The following RASSF2 variants were observed in gnomAD, a reference collection of about 807,000 sequenced individuals.
The protein encoded by RASSF2 is ras association domain-containing protein 2.
A neutral mutation model predicts 46.3 loss-of-function variants in RASSF2; 34 were observed. The ratio of observed to expected loss-of-function variants is 0.73; its 90% CI spans 0.56 to 0.98. The LOEUF is 0.98. RASSF2 is among the 50% of genes least tolerant of loss of function. The pLI is 0.00. For synonymous variants in RASSF2, 158 were observed against 162.5 expected (o/e 0.97, Z 0.21); for missense variants, 364 against 431.2 (o/e 0.84, Z 1.38).
intron 1 of RASSF2, among the ~76,000 whole-genome samples, 169 bp downstream of exon 1, chr20:4,823,387 TG>T (rs1338155657): frequency 2.6e-5 from 4 of 152,076 alleles, no homozygotes; most frequent in African/African-American, 9.7e-5. Flanking sequence ...GCGCCGCGGC[TG>T]GGGGGCTGCT....
At chr20:4,793,590 T>C (rs2122495723) in intron 5 of RASSF2, among the ~76,000 whole-genome samples, 1 of 152,224 alleles carries the variant, frequency 6.6e-6, no homozygotes. Flanking sequence ...CTCCCTGATT[T>C]AAAGCCTTCA....
chr20:4,802,349 T>A (rs1375172125), intron 2 of RASSF2, among the ~76,000 whole-genome samples: 4 of 152,094 alleles, frequency 2.6e-5, no homozygotes, highest in Non-Finnish European at 4.4e-5. Flanking sequence ...TGACCAAAAC[T>A]GTCGACAGAC....
chr20:4,817,572 C>G (rs1326022229), intron 2 of RASSF2, among the ~76,000 whole-genome samples: 3 of 152,142 alleles, frequency 2.0e-5, no homozygotes, highest in East Asian at 3.9e-4. Context: ...GTGTCTATAA[C>G]TTTGCATAGT....
At chr20:4,803,038 T>C (rs1927027710) in intron 2 of RASSF2, among the ~76,000 whole-genome samples, 1 of 151,800 alleles carries the variant, frequency 6.6e-6, no homozygotes. Flanking sequence ...GCCTCCCAAG[T>C]AGCTGCGACT....
chr20:4,798,140 G>A, intron 3 of RASSF2, 55 bp from the exon 4 acceptor site: 1 of 1,602,798 alleles, frequency 6.2e-7, no homozygotes, highest in Non-Finnish European at 8.5e-7. Context: ...CACTTATAAT[G>A]CAGTTGTTCC....
rs1323498177 is a variant in RASSF2, at chr20:4,783,696, T to C, written c.*577A>G. On this transcript the variant is annotated 3_prime_UTR_variant, in exon 12 of 12. Coordinates refer to ENST00000379400, the MANE Select transcript of RASSF2 (RefSeq NM_014737.3). ...GGTTATGTGGCTGTTATTTTGTTAA[T>C]TTCCAAGGCTCTTACATTCACTGAT... The C allele has an allele frequency of 6.6e-6, 1 of 152,594 alleles. No individual in the cohort carries two copies. The highest frequency in any genetic ancestry group is 6.5e-5 in the Admixed American group (1 of 15,306). The allele number at this position is 152,594 out of a possible 1,614,324, so 9.5% of individuals were successfully genotyped here.
intron 3 of RASSF2, among the ~76,000 whole-genome samples, 164 bp downstream of exon 3, chr20:4,800,808 G>A (rs1007206859): frequency 3.3e-5 from 5 of 152,048 alleles, no homozygotes; most frequent in South Asian, 4.1e-4. Context: ...CAGCCCTGAC[G>A]CTCTTACAAG....
chr20:4,809,776 G>A (rs1468765159), intron 2 of RASSF2, among the ~76,000 whole-genome samples: 1 of 152,170 alleles, frequency 6.6e-6, no homozygotes, highest in East Asian at 1.9e-4. Flanking sequence ...GGGGGCAGTG[G>A]GAGGAGCTAG....
At chr20:4,806,232 C>T (rs914327038) in intron 2 of RASSF2, among the ~76,000 whole-genome samples, 2 of 152,086 alleles carry the variant, frequency 1.3e-5, no homozygotes, top group African/African-American at 4.8e-5. Context: ...GTGGTCAGAG[C>T]CCAAGGAAGG....
At chr20:4,814,347 C>T (rs1928101625) in intron 2 of RASSF2, among the ~76,000 whole-genome samples, 2 of 152,338 alleles carry the variant, frequency 1.3e-5, no homozygotes, top group African/African-American at 4.8e-5. Flanking sequence ...GGTATCGACA[C>T]TTCCTGTTTA....
At chr20:4,809,353 C>T (rs1177802240) in intron 2 of RASSF2, among the ~76,000 whole-genome samples, 1 of 152,092 alleles carries the variant, frequency 6.6e-6, no homozygotes, top group Non-Finnish European at 1.5e-5. Flanking sequence ...TGAGTGTGCC[C>T]ATGCTCCCCC....
In RASSF2 at chr20:4,783,172, T is replaced by C. The variant is rs41279436; in HGVS notation, c.*1101A>G. 0.092 allele frequency: 14,013 copies of C among 152,294 alleles called. 1,025 individuals are homozygous for C. The highest frequency in any genetic ancestry group is 0.2 in the African/African-American group (8,490 of 41,528). 9.4% of individuals were successfully genotyped at this position (152,294 alleles called of 1,614,324 possible). A position where few individuals can be genotyped will look rare whatever the true frequency, so the allele number is the denominator to read the frequency against. On this transcript the variant is annotated 3_prime_UTR_variant, in exon 12 of 12. Transcript: ENST00000379400. ...CTCCACACACAAGGTGAGGGCAACT[T>C]GCAAGAACCCAGAGGTTGGAAAGAA...
rs1171064651 is a variant in RASSF2, at chr20:4,788,230, G to A, written c.678C>T (p.Val226=). Residue 226 remains valine (V), a synonymous_variant, in exon 9 of 12, where the codon GTC becomes GTT. Transcript: ENST00000379400. ...NSAEEFALYV[V]HTSGEKQKLK... The stretch of plus-strand genomic sequence containing the variant: ...CTTCAGACTTACCACCACTCGTATG[G>A]ACCACGTACAAGGCAAACTCCTCTG... The A allele has an allele frequency of 1.9e-6, 3 of 1,603,664 alleles. No homozygotes were observed. In the African/African-American group the frequency reaches 4.0e-5, roughly 21 times the overall value.
Position 4,788,163 on chromosome 20 carries a change from T to C in RASSF2, c.691+54A>G, listed in dbSNP as rs370381432. ...AGGAGGCAGAGGTATTTTTTTAACT[T>C]GCTATTTTGAGTTAATTAGAAGTTT... On this transcript the variant is annotated intron_variant, in intron 9 of 11. Transcript: ENST00000379400. The C allele has an allele frequency of 6.7e-5, 97 of 1,438,734 alleles. No homozygotes were observed. The African/African-American group carries it at 1.3e-3, about 19-fold the overall frequency. 89.1% of individuals were successfully genotyped at this position (1,438,734 alleles called of 1,614,324 possible).
Position 4,788,199 on chromosome 20 carries a change from T to C in RASSF2, c.691+18A>G. 6.4e-7 allele frequency: 1 copy of C among 1,557,718 alleles called. No homozygotes were observed. Among genetic ancestry groups the C allele is most frequent in the East Asian group, 2.3e-5 (1 of 44,314 alleles). ...GTTAATTAGAAGTTTTAAAGTACAC[T>C]GTGGTCTTCAGACTTACCACCACTC... On this transcript the variant is annotated intron_variant, in intron 9 of 11. Transcript: ENST00000379400.
intron 2 of RASSF2, among the ~76,000 whole-genome samples, chr20:4,819,959 T>C (rs774558262): frequency 1.3e-5 from 2 of 152,154 alleles, no homozygotes; most frequent in South Asian, 4.1e-4. Context: ...CCCCAAGCTG[T>C]CACCGCAAAC....
At chr20:4,821,449 AG>A (rs994174141) in intron 2 of RASSF2, among the ~76,000 whole-genome samples, 23 of 152,144 alleles carry the variant, frequency 1.5e-4, no homozygotes, top group African/African-American at 5.6e-4. Flanking sequence ...AGGCACGAAA[AG>A]GGACCTCAGA....
rs1010295043 is a variant in RASSF2, at chr20:4,787,774, G to A, written c.692-20C>T. On this transcript the variant is annotated intron_variant, in intron 9 of 11. Transcript: ENST00000379400. The stretch of plus-strand genomic sequence containing the variant: ...GTTTCTCTGCAACCACACACACCCA[G>A]GAGCAGCCCTGAGAGGCCTTTCTCA... 9 of 1,614,120 alleles carry A rather than the reference G, an allele frequency of 5.6e-6. No individual in the cohort carries two copies. Among genetic ancestry groups the A allele is most frequent in the African/African-American group, 1.3e-5 (1 of 75,024 alleles).
At chr20:4,792,729 T>C (rs1926008107) in intron 5 of RASSF2, 102 bp from the exon 6 acceptor site, 11 of 1,486,828 alleles carry the variant, frequency 7.4e-6, no homozygotes, top group Non-Finnish European at 8.9e-6. Flanking sequence ...GGGAGCACTT[T>C]GCTAGTGCCA....
Sources: allele counts gnomAD v4.1 joint callset (sites outside exome capture counted in the v4.1 genomes callset), GRCh38; gene constraint gnomAD v4.1.1; transcripts MANE v1.5; gene names NCBI Gene and HGNC (gene_info 2026-07-23, HGNC 2026-07-21).